The following ITPK1 variants were observed in gnomAD, a reference collection of about 807,000 sequenced individuals.
ITPK1 encodes the protein inositol-tetrakisphosphate 1-kinase.
Under a neutral mutation model 45.3 loss-of-function variants are expected in ITPK1, and 21 were observed. The observed-to-expected ratio is 0.46, with a 90% CI of 0.33 to 0.67. ITPK1 has a LOEUF of 0.67. Ranked by LOEUF, ITPK1 falls within the 30% of genes least tolerant of loss-of-function variation. ITPK1 has a pLI of 0.02. For synonymous variants in ITPK1, 258 were observed against 253.6 expected (o/e 1.02, Z -0.16); for missense variants, 474 against 573.5 (o/e 0.83, Z 1.77).
intron 5 of ITPK1, among the ~76,000 whole-genome samples, chr14:92,988,364 C>T (rs1455402383): frequency 3.9e-5 from 6 of 152,216 alleles, no homozygotes; most frequent in African/African-American, 9.6e-5. Context: ...TGGCGACCCA[C>T]TTCCCAGATG....
chr14:92,994,065 C>T, intron 4 of ITPK1, 68 bp from the exon 5 acceptor site: 1 of 968,566 alleles, frequency 1.0e-6, no homozygotes, highest in South Asian at 1.3e-5. Context: ...CCCCTCGCGC[C>T]CTCTGCACGT....
At chr14:93,113,421 G>C (rs2140043456) in intron 2 of ITPK1, among the ~76,000 whole-genome samples, 1 of 152,332 alleles carries the variant, frequency 6.6e-6, no homozygotes, top group Non-Finnish European at 1.5e-5. Flanking sequence ...CCTCAAGCTT[G>C]AGTTGCAGAC....
At chr14:93,045,518 G>A (rs1481667000) in intron 3 of ITPK1, among the ~76,000 whole-genome samples, 3 of 152,160 alleles carry the variant, frequency 2.0e-5, no homozygotes, top group Non-Finnish European at 4.4e-5. Flanking sequence ...CCAATTAGAT[G>A]GCACGTGCCT....
At chr14:92,981,422 A>ACCTT (rs1886223166) in intron 5 of ITPK1, among the ~76,000 whole-genome samples, 1 of 151,800 alleles carries the variant, frequency 6.6e-6, no homozygotes, top group South Asian at 2.1e-4. Context: ...AATGGCTCCC[A>ACCTT]CCTTCCTCTA....
chr14:93,093,868 A>G (rs527446196), intron 2 of ITPK1, among the ~76,000 whole-genome samples: 1 of 152,348 alleles, frequency 6.6e-6, no homozygotes, highest in African/African-American at 2.4e-5. Flanking sequence ...AACCTCACAC[A>G]ACTGCTATGG....
intron 4 of ITPK1, among the ~76,000 whole-genome samples, chr14:92,996,023 G>A (rs997048256): frequency 9.2e-5 from 14 of 152,164 alleles, no homozygotes; most frequent in African/African-American, 3.4e-4. Flanking sequence ...GCTTCCAAGA[G>A]AGCAGGTCAT....
rs138311191 is a variant in ITPK1 at position 93,085,365 on chromosome 14, C to T, written c.96-8746G>A. 4.6e-3 allele frequency among the ~76,000 whole-genome samples: 706 copies of T among 152,280 alleles called. 5 individuals are homozygous for T. Among genetic ancestry groups the T allele is most frequent in the African/African-American group, 0.016 (664 of 41,562 alleles). ...CTTACCTGAAGACCCTCCCCCCGAC[C>T]GGGTGCCCCACCCAGGGGAGGCAGG... is the stretch of plus-strand genomic sequence containing the variant. On this transcript the variant is annotated intron_variant, in intron 2 of 10. Transcript: ENST00000267615.
chr14:93,041,249 C>T (rs1213678031), intron 3 of ITPK1, among the ~76,000 whole-genome samples: 1 of 152,212 alleles, frequency 6.6e-6, no homozygotes, highest in Non-Finnish European at 1.5e-5. Flanking sequence ...TCTGAACCTC[C>T]CTCCAGGCCC....
chr14:92,964,588 C>T (rs1425583861), intron 5 of ITPK1, among the ~76,000 whole-genome samples: 2 of 152,342 alleles, frequency 1.3e-5, no homozygotes, highest in East Asian at 3.9e-4. Context: ...GGATATGGTG[C>T]TCAGGCCTGA....
In ITPK1 at chr14:93,034,287, G is replaced by A. The variant is rs989848082; in HGVS notation, c.121-17486C>T. Among the ~76,000 whole-genome samples the A allele has an allele frequency of 7.1e-6, 1 of 140,300 alleles. No homozygotes were observed. The highest frequency in any genetic ancestry group is 1.5e-5 in the Non-Finnish European group (1 of 66,104). The allele number at this position is 140,300 out of a possible 152,430, so 92.0% of individuals were successfully genotyped here. On this transcript the variant is annotated intron_variant, in intron 3 of 10. Coordinates refer to ENST00000267615, the MANE Select transcript of ITPK1 (RefSeq NM_014216.6). The surrounding 1 kb of genome is among the most constrained non-coding windows in gnomAD (Gnocchi z 4.1). ...CCCCAACACTCCCCCACCCCCTGTCGGAGCAGGAAGATGCTCTGGAAAACC... is the reference window on the plus strand; with the variant it reads ...CCCCAACACTCCCCCACCCCCTGTCAGAGCAGGAAGATGCTCTGGAAAACC...
intron 3 of ITPK1, chr14:93,069,601 A>C (rs1423806941): frequency 1.3e-5 from 2 of 153,300 alleles, no homozygotes; most frequent in Non-Finnish European, 2.9e-5. Flanking sequence ...CCCACAGCTC[A>C]GACAGGCCTG....
intron 3 of ITPK1, among the ~76,000 whole-genome samples, chr14:93,018,322 G>A (rs148730800): frequency 3.9e-5 from 6 of 152,234 alleles, no homozygotes; most frequent in Admixed American, 2.0e-4. Context: ...AGTCCCCTCA[G>A]GCCTAGGGGT....
intron 4 of ITPK1, among the ~76,000 whole-genome samples, chr14:93,010,702 G>A (rs547116589): frequency 7.2e-5 from 11 of 152,370 alleles, no homozygotes; most frequent in Admixed American, 2.0e-4. Context: ...AAGGCTGACA[G>A]AGTAGTCCTA....
At chr14:92,943,493 A>AGGGCAGGGTAGGTGTCCC (rs1842706000) in intron 10 of ITPK1, among the ~76,000 whole-genome samples, 1 of 152,188 alleles carries the variant, frequency 6.6e-6, no homozygotes, top group African/African-American at 2.4e-5. Flanking sequence ...CTAGGCCTGG[A>AGGGCAGGGTAGGTGTCCC]GGGCAGGGTA....
chr14:92,950,431 T>C (rs1321531645), intron 9 of ITPK1, among the ~76,000 whole-genome samples: 1 of 152,254 alleles, frequency 6.6e-6, no homozygotes, highest in African/African-American at 2.4e-5. Flanking sequence ...GCTGACCGCA[T>C]TTCTCTTTTC....
chr14:93,038,637 C>T (rs1397568634), intron 3 of ITPK1, among the ~76,000 whole-genome samples: 1 of 152,194 alleles, frequency 6.6e-6, no homozygotes, highest in Non-Finnish European at 1.5e-5. Context: ...AAGCGATTCT[C>T]CTGCCTCAGC....
rs375387974 is a variant in ITPK1 at position 93,069,224 on chromosome 14, C to T, written c.120+7371G>A. 604 of 154,166 alleles carry T rather than the reference C, an allele frequency of 3.9e-3. 1 individual carries two copies. Among genetic ancestry groups the T allele is most frequent in the Non-Finnish European group, 6.3e-3 (430 of 68,334 alleles). 9.5% of individuals were successfully genotyped at this position (154,166 alleles called of 1,614,324 possible). A position where few individuals can be genotyped will look rare whatever the true frequency, so the allele number is the denominator to read the frequency against. On this transcript the variant is annotated intron_variant, in intron 3 of 10. Coordinates refer to ENST00000267615, the MANE Select transcript of ITPK1 (RefSeq NM_014216.6). ...CCTGTCTAATCACCCTCCATGTATC[C>T]TCCCCATGGCTCTTCCCCCATAGCC...
At chr14:92,981,476 G>A (rs865810827) in intron 5 of ITPK1, among the ~76,000 whole-genome samples, 3 of 152,022 alleles carry the variant, frequency 2.0e-5, no homozygotes, top group Admixed American at 6.5e-5. Context: ...CCACCTCCGC[G>A]AGAGCCCCAC....
intron 3 of ITPK1, among the ~76,000 whole-genome samples, chr14:93,050,543 G>A (rs1166518180): frequency 1.3e-5 from 2 of 152,176 alleles, no homozygotes; most frequent in African/African-American, 4.8e-5. Flanking sequence ...GCCGAATACT[G>A]CAGCTGGCTT....
Sources: gnomAD v4.1 joint callset for allele counts (sites outside exome capture counted in the v4.1 genomes callset) on GRCh38, gnomAD v4.1.1 for gene constraint, Gnocchi (gnomAD v3.1) non-coding constraint, MANE v1.5 for transcripts, NCBI Gene and HGNC (gene_info 2026-07-23, HGNC 2026-07-21) for gene names.